The following CNIH1 variants were observed in gnomAD, a reference collection of about 807,000 sequenced individuals.
CNIH1 encodes protein cornichon homolog 1.
Under a neutral mutation model 20.2 loss-of-function variants are expected in CNIH1, and 12 were observed. The ratio of observed to expected loss-of-function variants is 0.59; its 90% CI spans 0.38 to 0.96. The LOEUF is 0.96. Among genes scored for constraint, CNIH1 ranks in the 40% least tolerant of loss-of-function variants. The pLI, the probability that CNIH1 is intolerant of heterozygous loss-of-function variation, is 0.00. For missense variants in CNIH1, 152 were observed against 178.8 expected, an observed-to-expected ratio of 0.85 and a Z score of 0.85; for synonymous variants, 69 against 63.3, an observed-to-expected ratio of 1.09 and a Z score of -0.43.
intron 1 of CNIH1, among the ~76,000 whole-genome samples, chr14:54,439,240 T>A (rs1195571344): frequency 1.3e-5 from 2 of 152,190 alleles, no homozygotes; most frequent in African/African-American, 4.8e-5. Flanking sequence ...ATTCTCTGAA[T>A]GAAGAAATCC....
rs960540651 is a variant in CNIH1 at position 54,432,162 on chromosome 14, G to T, written c.209C>A (p.Ala70Glu). ...AFFCVMFLCAAEWLTLGLNMP... is the reference protein window; with the variant it reads ...AFFCVMFLCAEEWLTLGLNMP... The stretch of plus-strand genomic sequence containing the variant: ...ATTGAGACCCAGTGTAAGCCACTCT[G>T]CTGCACAAAGAAACATGACACAGAA... The change falls in exon 3 of 5, where the codon GCA (alanine) becomes GAA (glutamate). Residue 70 changes from alanine (A) to glutamate (E), a missense_variant. Transcript: ENST00000216416. 2 of 1,571,326 alleles carry T rather than the reference G, an allele frequency of 1.3e-6. No homozygotes were observed. Among genetic ancestry groups the T allele is most frequent in the African/African-American group, 2.7e-5 (2 of 74,286 alleles).
rs1408272612 is a variant in CNIH1 at position 54,424,126 on chromosome 14, T to A, written c.*3688A>T. 1.3e-5 allele frequency: 2 copies of A among 152,254 alleles called. No homozygotes were observed. The highest frequency in any genetic ancestry group is 2.9e-5 in the Non-Finnish European group (2 of 68,048). The allele number at this position is 152,254 out of a possible 1,614,324, so 9.4% of individuals were successfully genotyped here. ...ATTAATTCAGAACCATCTTCCAAGC[T>A]ATACTGGTAGCACCACAGACTTACT... On this transcript the variant is annotated 3_prime_UTR_variant, in exon 5 of 5. Coordinates refer to ENST00000216416, the MANE Select transcript of CNIH1 (RefSeq NM_005776.3).
At chr14:54,435,053 A>G (rs1164182272) in intron 2 of CNIH1, among the ~76,000 whole-genome samples, 1 of 151,516 alleles carries the variant, frequency 6.6e-6, no homozygotes, top group Non-Finnish European at 1.5e-5. Flanking sequence ...GTGCTAGTAC[A>G]CTAGTATGCT....
intron 2 of CNIH1, 75 bp downstream of exon 2, chr14:54,436,294 C>G (rs2031053125): frequency 8.3e-6 from 7 of 845,518 alleles, no homozygotes; most frequent in Admixed American, 5.8e-5. Context: ...AGAATACTGG[C>G]CATTTTCAAA....
intron 2 of CNIH1, among the ~76,000 whole-genome samples, chr14:54,434,950 C>T (rs1008910315): frequency 6.6e-6 from 1 of 152,196 alleles, no homozygotes; most frequent in African/African-American, 2.4e-5. Context: ...AACTAGAAAT[C>T]TCTTCCACCA....
intron 1 of CNIH1, among the ~76,000 whole-genome samples, chr14:54,436,971 G>A (rs576538344): frequency 2.0e-5 from 3 of 152,290 alleles, no homozygotes; most frequent in Middle Eastern, 3.4e-3. Context: ...CTCTCAGGGA[G>A]AAGGACCATT....
Position 54,426,564 on chromosome 14 carries a change from G to C in CNIH1, c.*1250C>G, listed in dbSNP as rs2030830555. ...TATTTATGCTTATGAAAACATGCAA[G>C]CCATAATTTACCTGCCTTACAAGCA... On this transcript the variant is annotated 3_prime_UTR_variant, in exon 5 of 5. Transcript: ENST00000216416. The C allele has an allele frequency of 6.6e-6, 1 of 152,130 alleles. No individual in the cohort carries two copies. Among genetic ancestry groups the C allele is most frequent in the Non-Finnish European group, 1.5e-5 (1 of 68,018 alleles). The allele number at this position is 152,130 out of a possible 1,614,324, so 9.4% of individuals were successfully genotyped here. A position where few individuals can be genotyped will look rare whatever the true frequency, so the allele number is the denominator to read the frequency against.
chr14:54,428,659 G>A (rs2030873478), intron 4 of CNIH1, among the ~76,000 whole-genome samples: 1 of 152,104 alleles, frequency 6.6e-6, no homozygotes, highest in Non-Finnish European at 1.5e-5. Context: ...CGTATGAAGT[G>A]CCTATCATAC....
intron 3 of CNIH1, 30 bp downstream of exon 3, chr14:54,432,078 A>G (rs2030959926): frequency 8.2e-7 from 1 of 1,217,620 alleles, no homozygotes; most frequent in Non-Finnish European, 1.1e-6. Context: ...TTTAATTTAA[A>G]AAAATATTAA....
At chr14:54,436,651 G>A (rs2031059452) in intron 1 of CNIH1, 1 of 569,004 alleles carries the variant, frequency 1.8e-6, no homozygotes, top group Non-Finnish European at 3.1e-6. Flanking sequence ...CTAAAATTTG[G>A]TATTACTGTA....
Position 54,424,625 on chromosome 14 carries a change from C to T in CNIH1, c.*3189G>A, listed in dbSNP as rs2030791210. The T allele has an allele frequency of 6.6e-6, 1 of 152,202 alleles. No homozygotes were observed. The highest frequency in any genetic ancestry group is 2.4e-5 in the African/African-American group (1 of 41,456). 9.4% of individuals were successfully genotyped at this position (152,202 alleles called of 1,614,324 possible). A position where few individuals can be genotyped will look rare whatever the true frequency, so the allele number is the denominator to read the frequency against. ...AAAGGATTTTGCTGGTTTCAAAGCA[C>T]ATACAACTTTATTTCCTTTCTATGT... is the stretch of plus-strand genomic sequence containing the variant. On this transcript the variant is annotated 3_prime_UTR_variant, in exon 5 of 5. Coordinates refer to ENST00000216416, the MANE Select transcript of CNIH1 (RefSeq NM_005776.3).
chr14:54,438,850 T>C (rs576581766), intron 1 of CNIH1, among the ~76,000 whole-genome samples: 1 of 152,242 alleles, frequency 6.6e-6, no homozygotes, highest in Non-Finnish European at 1.5e-5. Context: ...TGGTTTGGTG[T>C]CATCTTGGAG....
chr14:54,432,864 T>C (rs982501964), intron 2 of CNIH1, among the ~76,000 whole-genome samples: 1 of 152,194 alleles, frequency 6.6e-6, no homozygotes, highest in African/African-American at 2.4e-5. Context: ...TTCTTAACCA[T>C]GAAATTAAGA....
chr14:54,436,395 T>C lies in CNIH1; in HGVS notation c.124A>G (p.Ile42Val), dbSNP rs769439015. The C allele has an allele frequency of 2.6e-6, 4 of 1,566,446 alleles. No individual in the cohort carries two copies. The highest frequency in any genetic ancestry group is 2.2e-5 in the East Asian group (1 of 44,602). The change falls in exon 2 of 5, where the codon ATA becomes GTA. Residue 42 changes from isoleucine (I) to valine (V), a missense_variant. Around this residue, in one of 3 missense-constraint regions of CNIH1, gnomAD observed 97 missense variants for 100.6 expected, o/e 0.96. Transcript: ENST00000216416. ...DELKTDYKNP[I>V]DQCNTLNPLV... ...GGATTCAGGGTATTACACTGGTCTA[T>C]AGGATTCTTGTAATCAGTCTTCAGC...
At chr14:54,441,203 T>A in intron 1 of CNIH1, 44 bp downstream of exon 1, 2 of 1,465,454 alleles carry the variant, frequency 1.4e-6, no homozygotes, top group Non-Finnish European at 1.8e-6. Context: ...GAAAAGAGGC[T>A]GTGTTGCCGC....
At chr14:54,427,929 A>T in intron 4 of CNIH1, 88 bp from the exon 5 acceptor site, 1 of 1,194,020 alleles carries the variant, frequency 8.4e-7, no homozygotes, top group Non-Finnish European at 1.2e-6. Flanking sequence ...TTATATAGCA[A>T]ACTAGTATCA....
chr14:54,436,351 T>G lies in CNIH1; in HGVS notation c.150+18A>C. ...CATATTTTTAAAATCTAAAGATAAA[T>G]CCTATATTATAACTTACGGGATTCA... On this transcript the variant is annotated intron_variant, in intron 2 of 4. Transcript: ENST00000216416. 1 of 1,354,422 alleles carries G rather than the reference T, an allele frequency of 7.4e-7. No homozygotes were observed. Among genetic ancestry groups the G allele is most frequent in the Non-Finnish European group, 1.1e-6 (1 of 951,102 alleles). 83.9% of individuals were successfully genotyped at this position (1,354,422 alleles called of 1,614,324 possible).
In CNIH1 at chr14:54,424,221, T is replaced by C. The variant is rs1040571866; in HGVS notation, c.*3593A>G. On this transcript the variant is annotated 3_prime_UTR_variant, in exon 5 of 5. Transcript: ENST00000216416. The stretch of plus-strand genomic sequence containing the variant: ...AGCTTAAAATGATCTAAGGCTAGCA[T>C]GATTAATAGTTTCCAAAAAGGATGA... The C allele has an allele frequency of 1.3e-5, 2 of 152,304 alleles. No individual in the cohort carries two copies. The highest frequency in any genetic ancestry group is 4.1e-4 in the South Asian group (2 of 4,828). The allele number at this position is 152,304 out of a possible 1,614,324, so 9.4% of individuals were successfully genotyped here. A position where few individuals can be genotyped will look rare whatever the true frequency, so the allele number is the denominator to read the frequency against.
intron 2 of CNIH1, among the ~76,000 whole-genome samples, chr14:54,434,365 C>T (rs888454947): frequency 3.9e-5 from 6 of 152,154 alleles, no homozygotes; most frequent in African/African-American, 1.4e-4. Flanking sequence ...AGGAATCGCA[C>T]ATTACCTGTT....
Sources: gnomAD v4.1 joint callset for allele counts (sites outside exome capture counted in the v4.1 genomes callset) on GRCh38, gnomAD v4.1.1 for gene constraint, gnomAD v4.1.1 regional missense constraint, MANE v1.5 for transcripts, NCBI Gene and HGNC (gene_info 2026-07-23, HGNC 2026-07-21) for gene names.